The following SIPA1L1 variants were observed in gnomAD, a reference collection of about 807,000 sequenced individuals.
SIPA1L1 encodes the protein signal induced proliferation associated 1 like 1.
Under a neutral mutation model 162.7 loss-of-function variants are expected in SIPA1L1, and 26 were observed. That is an observed-to-expected ratio of 0.16 (90% CI 0.12 to 0.22). The LOEUF (loss-of-function observed/expected upper bound fraction) is 0.22. Ranked by LOEUF, SIPA1L1 falls within the 10% of genes least tolerant of loss-of-function variation. The pLI is 1.00. For missense variants in SIPA1L1, 1,874 were observed against 2,241.0 expected, an observed-to-expected ratio of 0.84 and a Z score of 3.31; for synonymous variants, 829 against 837.4, an observed-to-expected ratio of 0.99 and a Z score of 0.17.
chr14:71,538,953 A>G (rs1228735249), intron 4 of SIPA1L1, among the ~76,000 whole-genome samples: 4 of 152,364 alleles, frequency 2.6e-5, no homozygotes, highest in African/African-American at 9.6e-5. Context: ...AACTGCAGTC[A>G]TACAGGGTTG....
chr14:71,538,154 T>C (rs2054066109), intron 4 of SIPA1L1, among the ~76,000 whole-genome samples: 2 of 152,238 alleles, frequency 1.3e-5, no homozygotes, highest in African/African-American at 4.8e-5. Flanking sequence ...AATAATTGAA[T>C]CTTCTTCCCT....
intron 6 of SIPA1L1, among the ~76,000 whole-genome samples, chr14:71,619,935 A>G (rs1216235196): frequency 6.6e-6 from 1 of 152,240 alleles, no homozygotes. Flanking sequence ...CTTTTTCTCC[A>G]TGGCAAAGCT....
chr14:71,464,712 G>A (rs1440327216), intron 2 of SIPA1L1, among the ~76,000 whole-genome samples: 1 of 151,918 alleles, frequency 6.6e-6, no homozygotes, highest in Admixed American at 6.6e-5. Flanking sequence ...CATTAAATTC[G>A]GCTTGATCCA....
At chr14:71,485,832 T>A (rs112980625) in intron 2 of SIPA1L1, among the ~76,000 whole-genome samples, 13 of 152,174 alleles carry the variant, frequency 8.5e-5, no homozygotes, top group African/African-American at 3.1e-4. Context: ...AAATTGATTC[T>A]TATCTAACAA....
chr14:71,709,344 C>T lies in SIPA1L1; in HGVS notation c.3888C>T (p.Asn1296=). Residue 1296 remains asparagine (N), a synonymous_variant, in exon 17 of 24, where the codon AAC becomes AAT. Coordinates refer to ENST00000381232, the MANE Select transcript of SIPA1L1 (RefSeq NM_001386936.1). ...DRTESELNSY[N]YLQGTSADSG... The stretch of plus-strand genomic sequence containing the variant: ...CAGAATCCGAACTCAACAGCTATAA[C>T]TATCTGCAAGGCACCTCTGCTGACA... 1 of 1,614,250 alleles carries T rather than the reference C, an allele frequency of 6.2e-7. No homozygotes were observed. The highest frequency in any genetic ancestry group is 8.5e-7 in the Non-Finnish European group (1 of 1,180,044).
chr14:71,431,550 T>C (rs2043991562), intron 2 of SIPA1L1, among the ~76,000 whole-genome samples: 3 of 151,560 alleles, frequency 2.0e-5, no homozygotes, highest in African/African-American at 7.3e-5. Context: ...AAAAATTAGC[T>C]AGGTATGGTG....
intron 2 of SIPA1L1, among the ~76,000 whole-genome samples, chr14:71,476,882 C>T (rs930535431): frequency 3.3e-5 from 5 of 151,836 alleles, no homozygotes; most frequent in Non-Finnish European, 5.9e-5. Flanking sequence ...GGGTTTTCAC[C>T]GTGTTAGCCA....
At chr14:71,364,210 G>A (rs1041382574) in intron 2 of SIPA1L1, among the ~76,000 whole-genome samples, 15 of 152,126 alleles carry the variant, frequency 9.9e-5, no homozygotes, top group Admixed American at 2.6e-4. Flanking sequence ...ACTCTTAACG[G>A]GAGTGAAAAA....
intron 7 of SIPA1L1, among the ~76,000 whole-genome samples, chr14:71,634,088 A>G (rs888934302): frequency 1.3e-5 from 2 of 152,016 alleles, no homozygotes; most frequent in East Asian, 3.9e-4. Flanking sequence ...GAAGCAAAAG[A>G]TAAATGACAT....
At chr14:71,549,021 CAA>C (rs961229465) in intron 4 of SIPA1L1, among the ~76,000 whole-genome samples, 12 of 151,980 alleles carry the variant, frequency 7.9e-5, no homozygotes, top group Non-Finnish European at 1.5e-4. Flanking sequence ...ATTTTAAACC[CAA>C]GTCTGCTTTT....
Position 71,544,165 on chromosome 14 carries a change from A to G in SIPA1L1, c.-303+14795A>G, listed in dbSNP as rs193131772. Among the ~76,000 whole-genome samples, 16 of 151,664 alleles carry G rather than the reference A, an allele frequency of 1.1e-4. 1 individual carries two copies. In the East Asian group the frequency reaches 2.9e-3, roughly 28 times the overall value. On this transcript the variant is annotated intron_variant, in intron 4 of 23. Transcript: ENST00000381232. The stretch of plus-strand genomic sequence containing the variant: ...CATATATGCACGTGTGTGTATATGT[A>G]CATATATGCACGTGTGTGTATATAT...
chr14:71,368,558 C>T (rs2140980597), intron 2 of SIPA1L1, among the ~76,000 whole-genome samples: 1 of 127,636 alleles, frequency 7.8e-6, no homozygotes, highest in Non-Finnish European at 1.6e-5. Flanking sequence ...TCCAGTCTAT[C>T]ATTGTTGGAC....
chr14:71,429,990 G>C (rs1250456282), intron 2 of SIPA1L1, among the ~76,000 whole-genome samples: 1 of 152,188 alleles, frequency 6.6e-6, no homozygotes, highest in East Asian at 1.9e-4. Context: ...TGTGCATTGG[G>C]GGTAAAGCTA....
At chr14:71,655,770 TTGAGAAG>T (rs898425196) in intron 8 of SIPA1L1, among the ~76,000 whole-genome samples, 1 of 152,206 alleles carries the variant, frequency 6.6e-6, no homozygotes, top group Non-Finnish European at 1.5e-5. Context: ...ATGTCTTCTT[TTGAGAAG>T]TGTCTATTTG....
chr14:71,501,463 C>T (rs1380833536), intron 2 of SIPA1L1, among the ~76,000 whole-genome samples: 1 of 152,170 alleles, frequency 6.6e-6, no homozygotes, highest in African/African-American at 2.4e-5. Context: ...TGTACATATT[C>T]TCTGACCCCA....
chr14:71,365,719 G>A lies in SIPA1L1; in HGVS notation c.-465+44538G>A, dbSNP rs550494918. Among the ~76,000 whole-genome samples, 89 of 151,726 alleles carry A rather than the reference G, an allele frequency of 5.9e-4. 2 individuals carry two copies. The highest frequency in any genetic ancestry group is 1.9e-3 in the African/African-American group (79 of 41,332). ...AACATTTTTTATTTTTATCAGGCAA[G>A]GCTATTAAGTATTTTTTTTTTTTTT... On this transcript the variant is annotated intron_variant, in intron 2 of 23. Coordinates refer to ENST00000381232, the MANE Select transcript of SIPA1L1 (RefSeq NM_001386936.1).
At chr14:71,717,244 C>G (rs2083342709) in intron 17 of SIPA1L1, among the ~76,000 whole-genome samples, 1 of 152,232 alleles carries the variant, frequency 6.6e-6, no homozygotes, top group Middle Eastern at 3.4e-3. Flanking sequence ...TCTTCCTTTT[C>G]AAAATTAATA....
chr14:71,420,011 A>G (rs923692896), intron 2 of SIPA1L1, among the ~76,000 whole-genome samples: 5 of 152,016 alleles, frequency 3.3e-5, no homozygotes, highest in African/African-American at 1.2e-4. Flanking sequence ...ACAAAGCAAG[A>G]CCCTGTCTCA....
At chr14:71,453,365 G>C (rs2045959087) in intron 2 of SIPA1L1, among the ~76,000 whole-genome samples, 1 of 152,146 alleles carries the variant, frequency 6.6e-6, no homozygotes, top group African/African-American at 2.4e-5. Flanking sequence ...CCGGGCTCGA[G>C]CAGTCCTCCC....
Sources: allele counts gnomAD v4.1 joint callset (sites outside exome capture counted in the v4.1 genomes callset), GRCh38; gene constraint gnomAD v4.1.1; transcripts MANE v1.5; gene names NCBI Gene and HGNC (gene_info 2026-07-23, HGNC 2026-07-21).